Variants in SMC4 observed in about 807,000 individuals in gnomAD.
The protein encoded by SMC4 is structural maintenance of chromosomes protein 4.
SMC4 carries 87 observed loss-of-function variants against 145.6 expected under a neutral mutation model. The observed-to-expected ratio is 0.60, with a 90% CI of 0.50 to 0.71. The LOEUF is 0.71. SMC4 is among the 30% of genes least tolerant of loss of function. The pLI, the probability that SMC4 is intolerant of heterozygous loss-of-function variation, is 0.00. For missense variants in SMC4, 1,447 were observed against 1,537.1 expected, an observed-to-expected ratio of 0.94 and a Z score of 0.98; for synonymous variants, 558 against 500.7, an observed-to-expected ratio of 1.11 and a Z score of -1.53.
chr3:160,415,551 T>C (rs12632030), intron 9 of SMC4, among the ~76,000 whole-genome samples: 59,754 of 152,178 alleles, frequency 0.39, 12,754 homozygotes, highest in Non-Finnish European at 0.49. Flanking sequence ...CTAAATGTAT[T>C]TGTTCACAAA....
At position 160,413,536 on chromosome 3, in the gene SMC4, C is replaced by T. The variant is rs770248697; in HGVS notation, c.1044C>T (p.Thr348=). 6.4e-7 allele frequency: 1 copy of T among 1,571,236 alleles called. No individual in the cohort carries two copies. Among genetic ancestry groups the T allele is most frequent in the Non-Finnish European group, 8.6e-7 (1 of 1,160,018 alleles). ...ETQKEKIHED[T]KEINEKSNIL... Reference sequence around the variant, plus strand: ...AAAAGGAAAAAATTCATGAAGATACCAAAGAAATTAATGAGAAGAGCAATA... The same window carrying T: ...AAAAGGAAAAAATTCATGAAGATACTAAAGAAATTAATGAGAAGAGCAATA... Residue 348 remains threonine, a synonymous_variant, in exon 8 of 24, where the codon ACC becomes ACT. Transcript: ENST00000357388.
At chr3:160,405,988 A>G (rs1194388080) in intron 5 of SMC4, among the ~76,000 whole-genome samples, 1 of 152,070 alleles carries the variant, frequency 6.6e-6, no homozygotes. Flanking sequence ...ATCAAAATAC[A>G]CTGCATTTTA....
intron 1 of SMC4, 101 bp from the exon 2 acceptor site, chr3:160,400,721 C>A: frequency 7.4e-7 from 1 of 1,345,982 alleles, no homozygotes; most frequent in Non-Finnish European, 9.6e-7. Context: ...GAGTGTTAAG[C>A]GGGGCTCTCG....
chr3:160,414,103 T>C (rs771410840), intron 8 of SMC4: 5 of 456,420 alleles, frequency 1.1e-5, no homozygotes, highest in South Asian at 8.9e-5. Flanking sequence ...TATGGTAAAA[T>C]TTTTATATAC....
chr3:160,421,213 G>A (rs1293692856), intron 13 of SMC4, among the ~76,000 whole-genome samples: 1 of 152,108 alleles, frequency 6.6e-6, no homozygotes, highest in East Asian at 1.9e-4. Flanking sequence ...ACAGGCGTGA[G>A]CCACCACACC....
rs1237894968 is a variant in SMC4 at position 160,433,064 on chromosome 3, A to C, written c.3569A>C (p.Asn1190Thr). ...PPKKSWKKIF[N>T]LSGGEKTLSS... Reference sequence around the variant, plus strand: ...AAGAAAAGTTGGAAAAAGATCTTCAACCTTTCGGGAGGAGAGAAAACACTT... The same window carrying C: ...AAGAAAAGTTGGAAAAAGATCTTCACCCTTTCGGGAGGAGAGAAAACACTT... Residue 1190 changes from asparagine (N) to threonine (T), a missense_variant, in exon 23 of 24, where the codon AAC becomes ACC. Transcript: ENST00000357388. The C allele has an allele frequency of 6.2e-7, 1 of 1,613,654 alleles. No individual in the cohort carries two copies. The highest frequency in any genetic ancestry group is 1.1e-5 in the South Asian group (1 of 91,060).
chr3:160,416,520 T>A, intron 10 of SMC4, 105 bp downstream of exon 10: 1 of 649,668 alleles, frequency 1.5e-6, no homozygotes, highest in Non-Finnish European at 2.5e-6. Flanking sequence ...AAGTTTGGAC[T>A]TTTAATGTCC....
Position 160,423,823 on chromosome 3 carries a change from GA to G in SMC4, c.2311del (p.Ile771SerfsTer6), listed in dbSNP as rs1414306201. On this transcript the variant is annotated frameshift_variant, in exon 15 of 24. Coordinates refer to ENST00000357388, the MANE Select transcript of SMC4 (RefSeq NM_001002800.3). LOFTEE classifies it high-confidence loss of function. ...AAGAATGGGTTCCTCACTTGTTATTGAAATCTCTGAAGAAGAGGTCAGCATA... is the reference window on the plus strand; with the variant it reads ...AAGAATGGGTTCCTCACTTGTTATTGAATCTCTGAAGAAGAGGTCAGCATA... ...KGRMGSSLVI[E>X]ISEEEVNKME... 6.2e-7 allele frequency: 1 copy of G among 1,612,462 alleles called. No homozygotes were observed. The highest frequency in any genetic ancestry group is 1.7e-5 in the Admixed American group (1 of 59,848).
At chr3:160,432,697 T>A (rs1577001748) in intron 22 of SMC4, 182 bp downstream of exon 22, 2 of 537,484 alleles carry the variant, frequency 3.7e-6, no homozygotes, top group East Asian at 6.0e-5. Flanking sequence ...CAGCCAGTAT[T>A]TACAAAATAT....
chr3:160,433,425 A>G, intron 23 of SMC4: 1 of 540,952 alleles, frequency 1.8e-6, no homozygotes, highest in Non-Finnish European at 3.2e-6. Flanking sequence ...AATGCAAATT[A>G]GTAGCAGAAT....
chr3:160,426,239 A>G, intron 17 of SMC4, 39 bp downstream of exon 17: 1 of 1,515,682 alleles, frequency 6.6e-7, no homozygotes. Context: ...GGGAAAAAAA[A>G]AACAGGTTTT....
chr3:160,429,948 G>A (rs896945160), intron 18 of SMC4, among the ~76,000 whole-genome samples: 14 of 151,702 alleles, frequency 9.2e-5, no homozygotes, highest in African/African-American at 2.9e-4. Flanking sequence ...AACTCCTGAC[G>A]TCATGGTCCC....
intron 13 of SMC4, among the ~76,000 whole-genome samples, chr3:160,421,226 G>A (rs1198675438): frequency 1.3e-5 from 2 of 151,996 alleles, no homozygotes; most frequent in East Asian, 3.9e-4. Flanking sequence ...ACCACACCCA[G>A]CCCTATAATT....
At chr3:160,416,204 G>T in intron 9 of SMC4, 47 bp from the exon 10 acceptor site, 1 of 1,350,898 alleles carries the variant, frequency 7.4e-7, no homozygotes. Context: ...TGATAGTATT[G>T]GGTAACATAA....
intron 20 of SMC4, 86 bp from the exon 21 acceptor site, chr3:160,431,557 T>C: frequency 9.9e-7 from 1 of 1,014,682 alleles, no homozygotes; most frequent in Non-Finnish European, 1.4e-6. Flanking sequence ...TTTTCATAGC[T>C]GTGTAATTTG....
At position 160,426,219 on chromosome 3, in the gene SMC4, C is replaced by T; in HGVS notation, c.2605+19C>T. The T allele has an allele frequency of 6.4e-7, 1 of 1,560,166 alleles. No individual in the cohort carries two copies. The stretch of plus-strand genomic sequence containing the variant: ...AAAACAGGTATGTTTAGAGATAGAC[C>T]TTTTTTGGGGGGAAAAAAAAAACAG... On this transcript the variant is annotated intron_variant, in intron 17 of 23. Coordinates refer to ENST00000357388, the MANE Select transcript of SMC4 (RefSeq NM_001002800.3).
intron 9 of SMC4, 62 bp from the exon 10 acceptor site, chr3:160,416,189 A>T: frequency 8.3e-7 from 1 of 1,209,854 alleles, no homozygotes; most frequent in Non-Finnish European, 1.1e-6. Flanking sequence ...AAATATGTCA[A>T]ATATTGATAG....
chr3:160,432,635 TA>T (rs1192183134), intron 22 of SMC4, 120 bp downstream of exon 22: 1 of 651,802 alleles, frequency 1.5e-6, no homozygotes. Flanking sequence ...CATTTACTAG[TA>T]AATACTAATT....
chr3:160,401,451 G>T (rs1714640826), intron 2 of SMC4, among the ~76,000 whole-genome samples: 1 of 152,070 alleles, frequency 6.6e-6, no homozygotes, highest in Non-Finnish European at 1.5e-5. Context: ...CCAGGAGTTG[G>T]GTGACATTAT....
Sources: gnomAD v4.1 joint callset for allele counts (sites outside exome capture counted in the v4.1 genomes callset) on GRCh38, gnomAD v4.1.1 for gene constraint, MANE v1.5 for transcripts, NCBI Gene and HGNC (gene_info 2026-07-23, HGNC 2026-07-21) for gene names.